TFDP1: variants seen among roughly 807,000 people sequenced by gnomAD.
TFDP1 encodes transcription factor Dp-1, also known as DRTF1-polypeptide 1.
TFDP1 carries 6 observed loss-of-function variants against 48.0 expected under a neutral mutation model. The ratio of observed to expected loss-of-function variants is 0.13; its 90% confidence interval spans 0.07 to 0.25. The LOEUF is 0.25. TFDP1 is among the 10% of genes least tolerant of loss of function. The probability of loss-of-function intolerance (pLI) is 1.00; values close to 1 mark genes in which losing one functional copy is unlikely to be tolerated. For synonymous variants in TFDP1, 201 were observed against 211.6 expected, an observed-to-expected ratio of 0.95 and a Z score of 0.44; for missense variants, 335 against 543.0, an observed-to-expected ratio of 0.62 and a Z score of 3.81.
chr13:113,585,499 A>T, intron 1 of TFDP1: 1 of 219,458 alleles, frequency 4.6e-6, no homozygotes, highest in East Asian at 1.0e-4. Context: ...GCTCGGCCCC[A>T]CCCTCGGCCG....
chr13:113,616,769 G>A (rs193140877), intron 3 of TFDP1, among the ~76,000 whole-genome samples: 2 of 152,160 alleles, frequency 1.3e-5, no homozygotes, highest in Non-Finnish European at 2.9e-5. Flanking sequence ...CCCGACACAC[G>A]CACTGGTCTT....
intron 3 of TFDP1, among the ~76,000 whole-genome samples, chr13:113,621,106 A>G (rs992238999): frequency 2.6e-5 from 4 of 152,278 alleles, no homozygotes; most frequent in African/African-American, 9.6e-5. Context: ...AAGGCAATGT[A>G]TTCGAAAGTC....
intron 4 of TFDP1, among the ~76,000 whole-genome samples, chr13:113,625,305 C>G (rs74529467): frequency 9.7e-3 from 615 of 63,320 alleles, no homozygotes; most frequent in African/African-American, 0.03. Context: ...GTGTCTCTCA[C>G]GTGTCCTCAC....
At position 113,623,675 on chromosome 13, in the gene TFDP1, C is replaced by T. The variant is rs922953792; in HGVS notation, c.186+389C>T. ...GCGTTGGCTGTGGCCCTCCTGGAGA[C>T]ATCAGGCTGGGAAGCCAGAGAGGGA... On this transcript the variant is annotated intron_variant, in intron 4 of 11. Transcript: ENST00000375370. This position sits in a 1 kb window ranked among gnomAD's most constrained non-coding sequence, Gnocchi z 5.2. Among the ~76,000 whole-genome samples, 1 of 152,164 alleles carries T rather than the reference C, an allele frequency of 6.6e-6. No homozygotes were observed. Among genetic ancestry groups the T allele is most frequent in the African/African-American group, 2.4e-5 (1 of 41,442 alleles).
chr13:113,611,764 G>T (rs2048714307), intron 3 of TFDP1, among the ~76,000 whole-genome samples: 3 of 152,224 alleles, frequency 2.0e-5, no homozygotes, highest in Admixed American at 2.0e-4. Flanking sequence ...CTCGTGAGAG[G>T]CTGTGCTGTG....
rs1323494564 is a variant in TFDP1, at chr13:113,633,498, A to T, written c.474+213A>T. Among the ~76,000 whole-genome samples the T allele has an allele frequency of 6.6e-6, 1 of 152,024 alleles. No homozygotes were observed. The highest frequency in any genetic ancestry group is 2.4e-5 in the African/African-American group (1 of 41,340). On this transcript the variant is annotated intron_variant, in intron 6 of 11. Coordinates refer to ENST00000375370, the MANE Select transcript of TFDP1 (RefSeq NM_007111.5). This position sits in a 1 kb window ranked among gnomAD's most constrained non-coding sequence, Gnocchi z 4.5. ...GTGTGGTACGTTTCGCTCTTTTAAT[A>T]TCGGGAACAGTTAAAACCATACAGA...
At chr13:113,615,913 A>G (rs1250356725) in intron 3 of TFDP1, among the ~76,000 whole-genome samples, 3 of 152,118 alleles carry the variant, frequency 2.0e-5, no homozygotes, top group African/African-American at 7.2e-5. Flanking sequence ...CCCTGTCTCA[A>G]AATGAGTAGG....
In TFDP1 at chr13:113,607,573, T is replaced by A. The variant is rs2048600102; in HGVS notation, c.13-3423T>A. Among the ~76,000 whole-genome samples the A allele has an allele frequency of 6.6e-6, 1 of 152,244 alleles. No individual in the cohort carries two copies. Among genetic ancestry groups the A allele is most frequent in the Non-Finnish European group, 1.5e-5 (1 of 68,038 alleles). On this transcript the variant is annotated intron_variant, in intron 2 of 11. Coordinates refer to ENST00000375370, the MANE Select transcript of TFDP1 (RefSeq NM_007111.5). The surrounding 1 kb of genome is among the most constrained non-coding windows in gnomAD (Gnocchi z 5.2). ...TGCTGCCGTCACTGTGTGCTGCGCA[T>A]GCCCTGCAGTTACCCCAGAGCTTTA...
chr13:113,610,922 G>A, intron 2 of TFDP1, 74 bp from the exon 3 acceptor site: 3 of 1,356,230 alleles, frequency 2.2e-6, no homozygotes, highest in South Asian at 2.4e-5. Context: ...AACCCTTGAG[G>A]GTGGTTTTAA....
At chr13:113,625,051 G>T (rs1430264526) in intron 4 of TFDP1, among the ~76,000 whole-genome samples, 1 of 122,040 alleles carries the variant, frequency 8.2e-6, no homozygotes, top group African/African-American at 3.4e-5. Context: ...TGTCTCTCAC[G>T]TGTCCTCAGG....
chr13:113,631,237 G>A (rs2049327265), intron 4 of TFDP1, among the ~76,000 whole-genome samples: 1 of 152,240 alleles, frequency 6.6e-6, no homozygotes, highest in African/African-American at 2.4e-5. Flanking sequence ...AAAAATGGAA[G>A]CGTGCTCAAG....
intron 2 of TFDP1, among the ~76,000 whole-genome samples, chr13:113,587,235 G>T (rs1422346284): frequency 6.6e-6 from 1 of 152,128 alleles, no homozygotes; most frequent in African/African-American, 2.4e-5. Context: ...GCAGGACCCT[G>T]AATGCTCCAT....
chr13:113,636,242 G>C lies in TFDP1; in HGVS notation c.839+114G>C, dbSNP rs2049484069. 14 of 1,398,536 alleles carry C rather than the reference G, an allele frequency of 1.0e-5. No homozygotes were observed. The South Asian group carries it at 1.9e-4, about 19-fold the overall frequency. The allele number at this position is 1,398,536 out of a possible 1,614,324, so 86.6% of individuals were successfully genotyped here. A position where few individuals can be genotyped will look rare whatever the true frequency, so the allele number is the denominator to read the frequency against. On this transcript the variant is annotated intron_variant, in intron 9 of 11. Transcript: ENST00000375370. Reference sequence around the variant, plus strand: ...AAATGTTGTACAAATAGCAAATGTTGCACAAATTGCTGTCCATTGGGGGGT... The same window carrying C: ...AAATGTTGTACAAATAGCAAATGTTCCACAAATTGCTGTCCATTGGGGGGT...
chr13:113,613,667 G>C (rs1229998245), intron 3 of TFDP1, among the ~76,000 whole-genome samples: 1 of 146,694 alleles, frequency 6.8e-6, no homozygotes, highest in South Asian at 2.1e-4. Flanking sequence ...GTGGGTATGA[G>C]TGTGTGTGTG....
intron 2 of TFDP1, among the ~76,000 whole-genome samples, chr13:113,604,064 G>A (rs1368598643): frequency 6.6e-6 from 1 of 151,708 alleles, no homozygotes. Context: ...TGGAGGCTGA[G>A]GTGAAAGGAT....
At chr13:113,596,006 C>T (rs1167740463) in intron 2 of TFDP1, among the ~76,000 whole-genome samples, 1 of 152,158 alleles carries the variant, frequency 6.6e-6, no homozygotes, top group Non-Finnish European at 1.5e-5. Flanking sequence ...GGTGTGAACC[C>T]AGGAGGCGGA....
Position 113,640,605 on chromosome 13 carries a change from C to A in TFDP1, c.*338C>A. On this transcript the variant is annotated 3_prime_UTR_variant, in exon 12 of 12. Transcript: ENST00000375370. ...GAAGAAATTGTATTTCAACCACATC[C>A]ATGAAAATAAAACACCTCCTGTTGT... The A allele has an allele frequency of 3.5e-6, 1 of 285,830 alleles. No homozygotes were observed. The highest frequency in any genetic ancestry group is 6.6e-6 in the Non-Finnish European group (1 of 151,140). 17.7% of individuals were successfully genotyped at this position (285,830 alleles called of 1,614,324 possible).
chr13:113,598,264 G>A lies in TFDP1; in HGVS notation c.12+12415G>A, dbSNP rs76212388. Among the ~76,000 whole-genome samples, 5,057 of 152,250 alleles carry A rather than the reference G, an allele frequency of 0.033. 210 individuals are homozygous for A. The highest frequency in any genetic ancestry group is 0.11 in the East Asian group (562 of 5,178). On this transcript the variant is annotated intron_variant, in intron 2 of 11. Transcript: ENST00000375370. The surrounding 1 kb of genome is among the most constrained non-coding windows in gnomAD (Gnocchi z 4.2). ...GGCAGGATGCAAGCACCTTTTTAAC[G>A]GCTGTGGAACTGATGTATGGGTTTT... is the stretch of plus-strand genomic sequence containing the variant.
rs745964592 is a variant in TFDP1, at chr13:113,607,411, C to T, written c.13-3585C>T. ...TTTCCACTTTCAGAAGCATGAGTTG[C>T]ATAAGGAAGGGGAATGAAAGGGTTT... is the stretch of plus-strand genomic sequence containing the variant. On this transcript the variant is annotated intron_variant, in intron 2 of 11. Coordinates refer to ENST00000375370, the MANE Select transcript of TFDP1 (RefSeq NM_007111.5). The surrounding 1 kb of genome is among the most constrained non-coding windows in gnomAD (Gnocchi z 5.2). Among the ~76,000 whole-genome samples, 1 of 152,226 alleles carries T rather than the reference C, an allele frequency of 6.6e-6. No homozygotes were observed. Among genetic ancestry groups the T allele is most frequent in the African/African-American group, 2.4e-5 (1 of 41,456 alleles).
Sources: allele counts gnomAD v4.1 joint callset (sites outside exome capture counted in the v4.1 genomes callset), GRCh38; gene constraint gnomAD v4.1.1; non-coding constraint Gnocchi (gnomAD v3.1); transcripts MANE v1.5; gene names NCBI Gene and HGNC (gene_info 2026-07-23, HGNC 2026-07-21).